SIM1: variants seen among roughly 807,000 people sequenced by gnomAD.
The protein encoded by SIM1 is SIM bHLH transcription factor 1.
A neutral mutation model predicts 78.2 loss-of-function variants in SIM1; 18 were observed. The observed-to-expected ratio is 0.23, with a 90% CI of 0.16 to 0.34. SIM1 has a LOEUF of 0.34. Among genes scored for constraint, SIM1 ranks in the 10% least tolerant of loss-of-function variants. SIM1 has a pLI of 1.00. For synonymous variants in SIM1, 417 were observed against 385.2 expected (o/e 1.08, Z -0.97); for missense variants, 939 against 975.1 (o/e 0.96, Z 0.49).
intron 3 of SIM1, among the ~76,000 whole-genome samples, chr6:100,451,149 T>C (rs2114544744): frequency 6.6e-6 from 1 of 152,192 alleles, no homozygotes; most frequent in East Asian, 1.9e-4. Context: ...AAGACAGATA[T>C]AGTGACCACA....
At chr6:100,424,562 A>G (rs1009651310) in intron 9 of SIM1, among the ~76,000 whole-genome samples, 2 of 151,834 alleles carry the variant, frequency 1.3e-5, no homozygotes, top group African/African-American at 4.8e-5. Context: ...CAGCCTCCCA[A>G]GTTGCTGGGA....
At chr6:100,411,570 A>C (rs1771191777) in intron 10 of SIM1, among the ~76,000 whole-genome samples, 1 of 152,220 alleles carries the variant, frequency 6.6e-6, no homozygotes, top group Non-Finnish European at 1.5e-5. Flanking sequence ...ATCTCCACAG[A>C]CAATTAACAA....
intron 10 of SIM1, among the ~76,000 whole-genome samples, chr6:100,412,725 AAG>A (rs150788094): frequency 5.7e-5 from 8 of 139,572 alleles, no homozygotes; most frequent in Non-Finnish European, 1.1e-4. Context: ...GAAAGAAAGA[AAG>A]AAAGAAAGAA....
rs1056760768 is a variant in SIM1, at chr6:100,420,750, C to T, written c.1167+40G>A. 6.9e-6 allele frequency: 11 copies of T among 1,595,860 alleles called. No individual in the cohort carries two copies. In the African/African-American group the frequency reaches 8.0e-5, roughly 12 times the overall value. On this transcript the variant is annotated intron_variant, in intron 10 of 11. Transcript: ENST00000369208. ...TCTCAACTTCAAGTTCAAACCATGT[C>T]GCCAAAAAAAAGAAAGTTGCAAAAC...
chr6:100,394,983 A>C (rs954045367), intron 10 of SIM1, among the ~76,000 whole-genome samples: 1 of 152,188 alleles, frequency 6.6e-6, no homozygotes, highest in Non-Finnish European at 1.5e-5. Flanking sequence ...AGCCACAGGC[A>C]TTGCTGTGCC....
chr6:100,390,880 G>A lies in SIM1; in HGVS notation c.1782C>T (p.Ser594=), dbSNP rs759371897. The A allele has an allele frequency of 7.4e-6, 12 of 1,614,022 alleles. No homozygotes were observed. In the African/African-American group the frequency reaches 1.1e-4, roughly 14 times the overall value. Residue 594 remains serine, a synonymous_variant, in exon 12 of 12, where the codon TCC becomes TCT. Coordinates refer to ENST00000369208, the MANE Select transcript of SIM1 (RefSeq NM_005068.3). ...AGTGTTTTTTCCCAGCCCCATTAATGGAAGCCAGTTGGTCTGAGGGGGCTT... is the reference window on the plus strand; with the variant it reads ...AGTGTTTTTTCCCAGCCCCATTAATAGAAGCCAGTTGGTCTGAGGGGGCTT... ...LRKAPSDQLA[S]INGAGKKHSL...
At chr6:100,400,024 T>G (rs1490442020) in intron 10 of SIM1, among the ~76,000 whole-genome samples, 1 of 151,946 alleles carries the variant, frequency 6.6e-6, no homozygotes, top group Non-Finnish European at 1.5e-5. Flanking sequence ...ACAAAAGACA[T>G]TTTATGTTGC....
At chr6:100,411,066 A>G (rs1771180275) in intron 10 of SIM1, among the ~76,000 whole-genome samples, 1 of 152,258 alleles carries the variant, frequency 6.6e-6, no homozygotes, top group African/African-American at 2.4e-5. Flanking sequence ...AAAAATGTAT[A>G]TAAACTATTA....
In SIM1 at chr6:100,393,737, C is replaced by T. The variant is rs1164025324; in HGVS notation, c.1320G>A (p.Ser440=). Residue 440 remains serine, a synonymous_variant, in exon 11 of 12, where the codon TCG becomes TCA. Transcript: ENST00000369208. ...HDASCAYRQF[S]DRSSLCYGFA... is the part of the protein sequence containing the mutation. ...AGCCATAGCAGAGAGAGCTGCGGTC[C>T]GAAAACTGTCTGTAGGCGCACGATG... 3.1e-6 allele frequency: 5 copies of T among 1,614,076 alleles called. No individual in the cohort carries two copies. The highest frequency in any genetic ancestry group is 2.2e-5 in the East Asian group (1 of 44,890).
chr6:100,430,808 C>G (rs1771880885), intron 9 of SIM1, among the ~76,000 whole-genome samples: 1 of 152,110 alleles, frequency 6.6e-6, no homozygotes, highest in Non-Finnish European at 1.5e-5. Context: ...TAGTTCTTAG[C>G]AAAACTGATT....
intron 9 of SIM1, among the ~76,000 whole-genome samples, chr6:100,438,440 T>C (rs1772115894): frequency 6.6e-6 from 1 of 152,200 alleles, no homozygotes; most frequent in African/African-American, 2.4e-5. Flanking sequence ...AGGATGGCCA[T>C]AATTTAAAAA....
chr6:100,417,861 G>T (rs1771443911), intron 10 of SIM1, among the ~76,000 whole-genome samples: 1 of 152,144 alleles, frequency 6.6e-6, no homozygotes. Flanking sequence ...CACAATTAAA[G>T]AATAACTTTA....
Position 100,463,288 on chromosome 6 carries a change from A to T in SIM1, c.175+6T>A, listed in dbSNP as rs375541512. 2.9e-4 allele frequency: 459 copies of T among 1,601,766 alleles called. 1 individual carries two copies. The highest frequency in any genetic ancestry group is 3.8e-4 in the Non-Finnish European group (444 of 1,170,282). On this transcript the variant is annotated splice_donor_region_variant and intron_variant, in intron 2 of 11. Coordinates refer to ENST00000369208, the MANE Select transcript of SIM1 (RefSeq NM_005068.3). ...TTTGAAATTCCATCTGGGCAAAGTC[A>T]CTTACCTTCTGGGAACACCACTCTC...
At chr6:100,402,567 C>CTCTT (rs1428516012) in intron 10 of SIM1, among the ~76,000 whole-genome samples, 14 of 76,344 alleles carry the variant, frequency 1.8e-4, no homozygotes, top group East Asian at 5.6e-4. Context: ...TTTCTTTTCT[C>CTCTT]TTTTTTTTTT....
intron 10 of SIM1, among the ~76,000 whole-genome samples, chr6:100,401,634 G>A (rs1770919050): frequency 6.6e-6 from 1 of 151,978 alleles, no homozygotes; most frequent in South Asian, 2.1e-4. Flanking sequence ...AAGCAAATGT[G>A]GCAAATGCTA....
At chr6:100,402,365 T>C (rs2114476308) in intron 10 of SIM1, among the ~76,000 whole-genome samples, 1 of 152,166 alleles carries the variant, frequency 6.6e-6, no homozygotes, top group African/African-American at 2.4e-5. Context: ...TAGTAGGGCC[T>C]TTTCTTCCAA....
At chr6:100,430,772 G>A (rs982303016) in intron 9 of SIM1, among the ~76,000 whole-genome samples, 1 of 152,074 alleles carries the variant, frequency 6.6e-6, no homozygotes, top group African/African-American at 2.4e-5. Context: ...TTGAGGTTCT[G>A]TTATCACAGA....
At chr6:100,417,823 G>A (rs556938496) in intron 10 of SIM1, among the ~76,000 whole-genome samples, 1 of 152,134 alleles carries the variant, frequency 6.6e-6, no homozygotes, top group Non-Finnish European at 1.5e-5. Flanking sequence ...ACTCATCAAT[G>A]ATTGATTTAG....
intron 9 of SIM1, among the ~76,000 whole-genome samples, chr6:100,429,298 G>A (rs1034034055): frequency 3.3e-5 from 5 of 151,398 alleles, no homozygotes; most frequent in African/African-American, 1.2e-4. Context: ...TGAACCCAGA[G>A]GCAGAGATTG....
Sources: allele counts gnomAD v4.1 joint callset (sites outside exome capture counted in the v4.1 genomes callset), GRCh38; gene constraint gnomAD v4.1.1; transcripts MANE v1.5; gene names NCBI Gene and HGNC (gene_info 2026-07-23, HGNC 2026-07-21).